The following CNTN5 variants were observed in gnomAD, a reference collection of about 807,000 sequenced individuals.
CNTN5 encodes contactin-5.
Under a neutral mutation model 129.1 loss-of-function variants are expected in CNTN5, and 77 were observed. The observed-to-expected ratio is 0.60, with a 90% CI of 0.50 to 0.72. CNTN5 has a LOEUF of 0.72. Among genes scored for constraint, CNTN5 ranks in the 30% least tolerant of loss-of-function variants. CNTN5 has a pLI of 0.00. For synonymous variants in CNTN5, 509 were observed against 465.6 expected (o/e 1.09, Z -1.20); for missense variants, 1,478 against 1,328.8 (o/e 1.11, Z -1.75).
At chr11:99,069,284 A>G (rs1038483266) in intron 1 of CNTN5, among the ~76,000 whole-genome samples, 1 of 152,146 alleles carries the variant, frequency 6.6e-6, no homozygotes, top group Non-Finnish European at 1.5e-5. Context: ...CTTAGAAATG[A>G]ACCAGGCCAG....
chr11:99,503,561 G>A (rs1946503843), intron 2 of CNTN5, among the ~76,000 whole-genome samples: 1 of 152,184 alleles, frequency 6.6e-6, no homozygotes, highest in East Asian at 1.9e-4. Context: ...ATGTAATTTA[G>A]GGCAAAATCT....
chr11:99,657,769 A>C (rs1159524196), intron 3 of CNTN5, among the ~76,000 whole-genome samples: 1 of 152,108 alleles, frequency 6.6e-6, no homozygotes, highest in African/African-American at 2.4e-5. Context: ...CTGTTATGTC[A>C]CATTTGACAC....
At chr11:99,182,009 G>C (rs998870272) in intron 1 of CNTN5, among the ~76,000 whole-genome samples, 1 of 152,120 alleles carries the variant, frequency 6.6e-6, no homozygotes, top group Non-Finnish European at 1.5e-5. Context: ...ACATTATGAT[G>C]CCTCTCATTG....
chr11:99,452,213 A>G (rs748783112), intron 2 of CNTN5, among the ~76,000 whole-genome samples: 1 of 152,038 alleles, frequency 6.6e-6, no homozygotes, highest in Non-Finnish European at 1.5e-5. Flanking sequence ...AATACTGTAT[A>G]CAATTGAAGT....
At chr11:99,287,766 A>G (rs1472269938) in intron 1 of CNTN5, among the ~76,000 whole-genome samples, 2 of 152,042 alleles carry the variant, frequency 1.3e-5, no homozygotes, top group Non-Finnish European at 2.9e-5. Flanking sequence ...CTTTTTCAAA[A>G]AAAAGTATTC....
chr11:100,338,530 A>G (rs1039179303), intron 21 of CNTN5, among the ~76,000 whole-genome samples: 2 of 152,202 alleles, frequency 1.3e-5, no homozygotes, highest in African/African-American at 4.8e-5. Context: ...GTTGGGGGAA[A>G]AAAAAAGAAT....
At chr11:100,328,705 T>A (rs1565431635) in intron 21 of CNTN5, among the ~76,000 whole-genome samples, 1 of 152,080 alleles carries the variant, frequency 6.6e-6, no homozygotes, top group Non-Finnish European at 1.5e-5. Flanking sequence ...AATTGGGGAT[T>A]ACAATTTGAC....
At chr11:99,223,488 A>T (rs902793816) in intron 1 of CNTN5, among the ~76,000 whole-genome samples, 1 of 152,162 alleles carries the variant, frequency 6.6e-6, no homozygotes, top group African/African-American at 2.4e-5. Flanking sequence ...TCCTAAAGTC[A>T]GTAGTAATAA....
chr11:99,095,630 G>T (rs147626786), intron 1 of CNTN5, among the ~76,000 whole-genome samples: 1 of 151,936 alleles, frequency 6.6e-6, no homozygotes. Flanking sequence ...TGAGTAGAGT[G>T]AGGGAAACTA....
At chr11:99,814,047 C>G (rs1946509272) in intron 3 of CNTN5, among the ~76,000 whole-genome samples, 1 of 151,962 alleles carries the variant, frequency 6.6e-6, no homozygotes, top group African/African-American at 2.4e-5. Context: ...TAAAAGAGAA[C>G]TTTTTATATA....
At chr11:99,718,564 G>C (rs1217570264) in intron 3 of CNTN5, among the ~76,000 whole-genome samples, 1 of 152,128 alleles carries the variant, frequency 6.6e-6, no homozygotes, top group Non-Finnish European at 1.5e-5. Flanking sequence ...CTGTGAAAGG[G>C]AAGGAAAAAC....
At chr11:99,030,669 A>C (rs1357375638) in intron 1 of CNTN5, among the ~76,000 whole-genome samples, 2 of 152,100 alleles carry the variant, frequency 1.3e-5, no homozygotes, top group Non-Finnish European at 2.9e-5. Flanking sequence ...GAAATTAATA[A>C]TGTTCCCCAA....
intron 7 of CNTN5, among the ~76,000 whole-genome samples, chr11:99,945,126 A>G (rs1291569119): frequency 2.6e-5 from 4 of 152,118 alleles, no homozygotes; most frequent in Non-Finnish European, 4.4e-5. Context: ...ACTATCATAG[A>G]TTTTAAATTC....
At chr11:99,999,555 A>G (rs1261755135) in intron 8 of CNTN5, among the ~76,000 whole-genome samples, 5 of 152,186 alleles carry the variant, frequency 3.3e-5, no homozygotes, top group Non-Finnish European at 7.3e-5. Flanking sequence ...TTACACTCTT[A>G]GTGGGACTGT....
chr11:99,560,385 G>A (rs966480758), intron 3 of CNTN5, among the ~76,000 whole-genome samples: 8 of 151,496 alleles, frequency 5.3e-5, no homozygotes, highest in African/African-American at 1.5e-4. Context: ...CTCTGCCTCC[G>A]GGTTCAAGAA....
At chr11:99,965,525 C>G (rs535398246) in intron 8 of CNTN5, among the ~76,000 whole-genome samples, 4 of 152,040 alleles carry the variant, frequency 2.6e-5, no homozygotes. Context: ...GTCTGAGAGA[C>G]AGTTTGTTAT....
chr11:99,285,254 T>C (rs1189035130), intron 1 of CNTN5, among the ~76,000 whole-genome samples: 1 of 152,154 alleles, frequency 6.6e-6, no homozygotes, highest in Non-Finnish European at 1.5e-5. Context: ...AAAGATCTAT[T>C]GGAATTAAAA....
intron 13 of CNTN5, among the ~76,000 whole-genome samples, chr11:100,077,615 G>A (rs1323469730): frequency 6.6e-6 from 1 of 152,028 alleles, no homozygotes; most frequent in African/African-American, 2.4e-5. Flanking sequence ...GAGCCCAGGA[G>A]TTTGAGACCA....
intron 1 of CNTN5, among the ~76,000 whole-genome samples, chr11:99,259,050 A>G (rs1298588444): frequency 2.0e-5 from 3 of 151,890 alleles, no homozygotes; most frequent in South Asian, 4.1e-4. Flanking sequence ...ATGATATAAC[A>G]CTTTGTTTTT....
Sources: gnomAD v4.1 joint callset for allele counts (sites outside exome capture counted in the v4.1 genomes callset) on GRCh38, gnomAD v4.1.1 for gene constraint, MANE v1.5 for transcripts, NCBI Gene and HGNC (gene_info 2026-07-23, HGNC 2026-07-21) for gene names.